Variants in WDPCP observed in about 807,000 individuals in gnomAD.
The protein encoded by WDPCP is WD repeat-containing and planar cell polarity effector protein fritz homolog.
WDPCP carries 71 observed loss-of-function variants against 93.1 expected under a neutral mutation model. The ratio of observed to expected loss-of-function variants is 0.76; its 90% CI spans 0.63 to 0.93. The LOEUF is 0.93. WDPCP is among the 40% of genes least tolerant of loss of function. The pLI, the probability that WDPCP is intolerant of heterozygous loss-of-function variation, is 0.00. For synonymous variants in WDPCP, 315 were observed against 315.0 expected (o/e 1.00, Z 0.00); for missense variants, 844 against 887.4 (o/e 0.95, Z 0.62).
intron 15 of WDPCP, among the ~76,000 whole-genome samples, chr2:63,159,426 A>T (rs1672498867): frequency 6.6e-6 from 1 of 151,968 alleles, no homozygotes. Flanking sequence ...GGAGCTCCTT[A>T]AAGTTTGTCA....
At chr2:63,167,893 T>C (rs1488676319) in intron 15 of WDPCP, among the ~76,000 whole-genome samples, 3 of 152,074 alleles carry the variant, frequency 2.0e-5, no homozygotes, top group Non-Finnish European at 4.4e-5. Flanking sequence ...GGCAGGTGGA[T>C]CACTTGAGCC....
At chr2:63,531,932 C>T (rs1192148933) in intron 1 of WDPCP, among the ~76,000 whole-genome samples, 2 of 151,964 alleles carry the variant, frequency 1.3e-5, no homozygotes, top group Admixed American at 6.6e-5. Context: ...GGAGGATGTT[C>T]GAACCCATCA....
At chr2:63,196,874 TGACA>T (rs1016078953) in intron 14 of WDPCP, among the ~76,000 whole-genome samples, 1 of 152,182 alleles carries the variant, frequency 6.6e-6, no homozygotes, top group Non-Finnish European at 1.5e-5. Flanking sequence ...GAAAACAAAT[TGACA>T]GACAATCTGG....
chr2:63,126,767 C>G (rs1283263023), intron 17 of WDPCP, among the ~76,000 whole-genome samples: 2 of 143,282 alleles, frequency 1.4e-5, no homozygotes, highest in Non-Finnish European at 3.0e-5. Flanking sequence ...ACAGCTCAAA[C>G]TTTCGGGCTC....
At chr2:63,629,726 A>T (rs911839016) in intron 3 of WDPCP, among the ~76,000 whole-genome samples, 2 of 152,236 alleles carry the variant, frequency 1.3e-5, no homozygotes, top group Non-Finnish European at 2.9e-5. Flanking sequence ...CTTGGGTATC[A>T]GTGGAGGTTG....
intron 2 of WDPCP, among the ~76,000 whole-genome samples, chr2:63,700,302 A>AG (rs1182086854): frequency 5.9e-5 from 6 of 101,228 alleles, no homozygotes; most frequent in South Asian, 3.0e-4. Context: ...AAAAAAAAAA[A>AG]ACAAAAAGAA....
At chr2:63,337,476 GATTTC>G (rs1298627810) in intron 12 of WDPCP, among the ~76,000 whole-genome samples, 3 of 152,156 alleles carry the variant, frequency 2.0e-5, no homozygotes, top group African/African-American at 7.2e-5. Flanking sequence ...TGGATATAGT[GATTTC>G]ATTTCTTTTG....
At chr2:63,709,301 C>T (rs112747255) in intron 2 of WDPCP, among the ~76,000 whole-genome samples, 14 of 151,940 alleles carry the variant, frequency 9.2e-5, no homozygotes, top group South Asian at 6.2e-4. Context: ...GGTAACAGAC[C>T]GAAACTCCGT....
intron 14 of WDPCP, among the ~76,000 whole-genome samples, chr2:63,240,936 A>C (rs1679813073): frequency 6.6e-6 from 1 of 152,226 alleles, no homozygotes; most frequent in African/African-American, 2.4e-5. Context: ...GGAATATAGT[A>C]ATCTAGTATT....
intron 2 of WDPCP, among the ~76,000 whole-genome samples, chr2:63,716,604 TA>T (rs1669340865): frequency 1.3e-5 from 2 of 152,186 alleles, no homozygotes; most frequent in Admixed American, 1.3e-4. Flanking sequence ...GCTATCATTT[TA>T]TATAGGGTCA....
intron 6 of WDPCP, among the ~76,000 whole-genome samples, chr2:63,483,068 T>C (rs943204225): frequency 6.6e-6 from 1 of 151,970 alleles, no homozygotes; most frequent in African/African-American, 2.4e-5. Context: ...TAAAATTCAT[T>C]AAACTCTATC....
At chr2:63,143,916 C>G (rs1671275048) in intron 17 of WDPCP, among the ~76,000 whole-genome samples, 1 of 152,082 alleles carries the variant, frequency 6.6e-6, no homozygotes, top group South Asian at 2.1e-4. Flanking sequence ...GACTATGTGC[C>G]TAGGCGAAGA....
At chr2:63,529,178 C>T (rs543834064) in intron 1 of WDPCP, among the ~76,000 whole-genome samples, 25 of 152,272 alleles carry the variant, frequency 1.6e-4, no homozygotes, top group Non-Finnish European at 3.7e-4. Flanking sequence ...GATTTGACTT[C>T]CTCTTTTCCT....
At chr2:63,699,471 G>A (rs888782596) in intron 2 of WDPCP, among the ~76,000 whole-genome samples, 4 of 152,198 alleles carry the variant, frequency 2.6e-5, no homozygotes, top group Non-Finnish European at 1.5e-5. Flanking sequence ...GGAACTGAGA[G>A]GATTCAGAGG....
chr2:63,568,618 AC>A (rs1478114021), intron 1 of WDPCP, among the ~76,000 whole-genome samples: 1 of 152,166 alleles, frequency 6.6e-6, no homozygotes, highest in African/African-American at 2.4e-5. Context: ...TGATGCGTCC[AC>A]CCTACTGCTG....
chr2:63,277,875 T>C (rs1683206747), intron 13 of WDPCP, among the ~76,000 whole-genome samples: 1 of 152,284 alleles, frequency 6.6e-6, no homozygotes, highest in African/African-American at 2.4e-5. Flanking sequence ...AACAATGGAC[T>C]TAAACTATAC....
At chr2:63,135,302 C>G (rs928436200) in intron 17 of WDPCP, among the ~76,000 whole-genome samples, 1 of 152,178 alleles carries the variant, frequency 6.6e-6, no homozygotes, top group Non-Finnish European at 1.5e-5. Flanking sequence ...TTTGTTTTCA[C>G]AAAGGCTAAT....
rs565848618 is a variant in WDPCP at position 63,609,352 on chromosome 2, C to T, written n.488+41307G>A. The stretch of plus-strand genomic sequence containing the variant: ...CTCCAGCCTGGGTGACAGCAAGACT[C>T]CATTTCAAAACAAAACAACAACAAC... On this transcript the variant is annotated intron_variant and non_coding_transcript_variant, in intron 3 of 4. Transcript: ENST00000467687. Among the ~76,000 whole-genome samples the T allele has an allele frequency of 6.9e-4, 104 of 151,692 alleles. 1 individual carries two copies. The highest frequency in any genetic ancestry group is 1.2e-3 in the Non-Finnish European group (83 of 67,852).
chr2:63,780,780 C>CTT (rs769629736), intron 2 of WDPCP, among the ~76,000 whole-genome samples: 1,870 of 152,254 alleles, frequency 0.012, 17 homozygotes, highest in Non-Finnish European at 0.015. Context: ...TGGAGAACAA[C>CTT]ATTTATTATG....
Sources: gnomAD v4.1 joint callset for allele counts (sites outside exome capture counted in the v4.1 genomes callset) on GRCh38, gnomAD v4.1.1 for gene constraint, MANE v1.5 for transcripts, NCBI Gene and HGNC (gene_info 2026-07-23, HGNC 2026-07-21) for gene names.